NRG1: variants seen among roughly 807,000 people sequenced by gnomAD.
NRG1 encodes neuregulin 1.
A neutral mutation model predicts 63.8 loss-of-function variants in NRG1; 18 were observed. The ratio of observed to expected loss-of-function variants is 0.28; its 90% CI spans 0.19 to 0.42. The LOEUF (loss-of-function observed/expected upper bound fraction) is 0.42. Among genes scored for constraint, NRG1 ranks in the 10% least tolerant of loss-of-function variants. The pLI is 1.00. For synonymous variants in NRG1, 302 were observed against 301.3 expected, an observed-to-expected ratio of 1.00 and a Z score of -0.02; for missense variants, 762 against 814.7, an observed-to-expected ratio of 0.94 and a Z score of 0.79.
intron 1 of NRG1, among the ~76,000 whole-genome samples, chr8:32,169,338 T>G (rs971404466): frequency 3.3e-5 from 5 of 152,206 alleles, no homozygotes; most frequent in African/African-American, 1.2e-4. Context: ...AATTCTACTT[T>G]TCCAGTAGCC....
At chr8:32,675,340 A>G (rs1049258844) in intron 5 of NRG1, among the ~76,000 whole-genome samples, 1 of 152,244 alleles carries the variant, frequency 6.6e-6, no homozygotes, top group Non-Finnish European at 1.5e-5. Context: ...TTTTAAAATT[A>G]TAAGCAAATG....
rs371875030 is a variant in NRG1 at position 31,640,791 on chromosome 8, G to C, written c.37+1360G>C. ...GAGGAGGGCGCATCCCGGGCGCGCG[G>C]GCAGCGGGGCTCGACGGCCGCCCGA... On this transcript the variant is annotated intron_variant, in intron 1 of 10. Transcript: ENST00000519301. The surrounding 1 kb of genome is among the most constrained non-coding windows in gnomAD (Gnocchi z 6.3). 1.4e-6 allele frequency: 2 copies of C among 1,438,068 alleles called. No homozygotes were observed. Among genetic ancestry groups the C allele is most frequent in the African/African-American group, 1.5e-5 (1 of 67,560 alleles). The allele number at this position is 1,438,068 out of a possible 1,614,324, so 89.1% of individuals were successfully genotyped here.
At chr8:32,400,356 C>G in intron 1 of NRG1, among the ~76,000 whole-genome samples, 1 of 152,086 alleles carries the variant, frequency 6.6e-6, no homozygotes, top group Non-Finnish European at 1.5e-5. Flanking sequence ...GGTGGTGCAA[C>G]CCTATAGTCT....
At chr8:32,199,375 G>C (rs1362642178) in intron 1 of NRG1, among the ~76,000 whole-genome samples, 1 of 152,284 alleles carries the variant, frequency 6.6e-6, no homozygotes, top group East Asian at 1.9e-4. Context: ...GGGCTGCAAA[G>C]GTGTAGCCCT....
chr8:32,746,823 A>T (rs1401369347), intron 7 of NRG1, among the ~76,000 whole-genome samples: 1 of 151,936 alleles, frequency 6.6e-6, no homozygotes, highest in Non-Finnish European at 1.5e-5. Context: ...AACAGATAGA[A>T]AGTAATAACC....
intron 5 of NRG1, among the ~76,000 whole-genome samples, chr8:32,677,003 A>G (rs1807304345): frequency 5.3e-5 from 8 of 152,252 alleles, no homozygotes; most frequent in Admixed American, 4.6e-4. Context: ...AAAAGTAAAG[A>G]TTTTGTCATC....
chr8:31,869,109 A>C lies in NRG1; in HGVS notation c.37+229678A>C, dbSNP rs118057993. 4.7e-4 allele frequency among the ~76,000 whole-genome samples: 71 copies of C among 152,332 alleles called. 1 individual carries two copies. The highest frequency in any genetic ancestry group is 3.4e-3 in the Middle Eastern group (1 of 294). ...ATATCTTTGATGATAAGGCTGGGAT[A>C]GAGGTTAATGTCTCATCAATTTTGG... On this transcript the variant is annotated intron_variant, in intron 1 of 10. Transcript: ENST00000519301.
intron 5 of NRG1, among the ~76,000 whole-genome samples, chr8:32,724,359 T>C (rs889014175): frequency 1.3e-5 from 2 of 152,154 alleles, no homozygotes; most frequent in Admixed American, 6.6e-5. Context: ...TTGAAACATA[T>C]TTTATCTTCC....
At chr8:32,595,270 G>C (rs1296106921) in intron 1 of NRG1, among the ~76,000 whole-genome samples, 1 of 151,964 alleles carries the variant, frequency 6.6e-6, no homozygotes, top group African/African-American at 2.4e-5. Context: ...GCTCACTGCA[G>C]CATTGACCTC....
At chr8:32,254,945 T>C (rs568878858) in intron 1 of NRG1, among the ~76,000 whole-genome samples, 1 of 152,354 alleles carries the variant, frequency 6.6e-6, no homozygotes, top group East Asian at 1.9e-4. Flanking sequence ...TCTTTACCAT[T>C]ACATAATGCC....
At chr8:31,826,435 T>C (rs1401014034) in intron 1 of NRG1, among the ~76,000 whole-genome samples, 1 of 152,196 alleles carries the variant, frequency 6.6e-6, no homozygotes, top group Non-Finnish European at 1.5e-5. Flanking sequence ...CTACACATGC[T>C]CCCTCTTTCC....
In NRG1 at chr8:31,640,492, G is replaced by T. The variant is rs747432381; in HGVS notation, c.37+1061G>T. ...GGTGAAGGTGCACCAGGTGTGGGCG[G>T]TGAAAGCCGGGGGCTTGAAGAAGGA... On this transcript the variant is annotated intron_variant, in intron 1 of 10. Coordinates refer to the NRG1 transcript ENST00000519301. The surrounding 1 kb of genome is among the most constrained non-coding windows in gnomAD (Gnocchi z 6.3). The T allele has an allele frequency of 6.2e-7, 1 of 1,609,222 alleles. No homozygotes were observed. The highest frequency in any genetic ancestry group is 1.1e-5 in the South Asian group (1 of 90,476).
At chr8:32,025,411 T>G (rs1199048192) in intron 1 of NRG1, among the ~76,000 whole-genome samples, 1 of 152,168 alleles carries the variant, frequency 6.6e-6, no homozygotes, top group Non-Finnish European at 1.5e-5. Context: ...AACTGATGGA[T>G]AGATGGATAT....
chr8:31,818,794 A>G (rs1048797079), intron 1 of NRG1, among the ~76,000 whole-genome samples: 13 of 152,082 alleles, frequency 8.5e-5, no homozygotes, highest in African/African-American at 3.1e-4. Flanking sequence ...GCGGTGGCTC[A>G]CGCCTGTAAT....
At chr8:31,745,174 T>A (rs1438968804) in intron 1 of NRG1, among the ~76,000 whole-genome samples, 1 of 151,966 alleles carries the variant, frequency 6.6e-6, no homozygotes, top group South Asian at 2.1e-4. Context: ...TTTTATTTTA[T>A]GACTATTAGG....
chr8:31,906,450 T>C (rs1832528188), intron 1 of NRG1, among the ~76,000 whole-genome samples: 2 of 152,184 alleles, frequency 1.3e-5, no homozygotes, highest in African/African-American at 4.8e-5. Flanking sequence ...AGTTGGAGGC[T>C]GCTACCATAG....
intron 1 of NRG1, among the ~76,000 whole-genome samples, chr8:32,279,258 TACTA>T (rs943481516): frequency 2.0e-5 from 3 of 152,238 alleles, no homozygotes; most frequent in East Asian, 1.9e-4. Flanking sequence ...GCTTTTCATG[TACTA>T]ACTAATTTAA....
intron 1 of NRG1, among the ~76,000 whole-genome samples, chr8:32,403,861 T>G (rs1471789453): frequency 6.6e-6 from 1 of 152,170 alleles, no homozygotes; most frequent in Non-Finnish European, 1.5e-5. Flanking sequence ...AGTACAAAAA[T>G]ATGAACAGTA....
At chr8:32,739,373 T>A (rs983634348) in intron 6 of NRG1, among the ~76,000 whole-genome samples, 2 of 152,278 alleles carry the variant, frequency 1.3e-5, no homozygotes, top group East Asian at 1.9e-4. Context: ...CAGGGTCTTA[T>A]AACACTAAGA....
Sources: allele counts gnomAD v4.1 joint callset (sites outside exome capture counted in the v4.1 genomes callset), GRCh38; gene constraint gnomAD v4.1.1; non-coding constraint Gnocchi (gnomAD v3.1); transcripts MANE v1.5; gene names NCBI Gene and HGNC (gene_info 2026-07-23, HGNC 2026-07-21).